The following SLC3A1 variants were observed in gnomAD, a reference collection of about 807,000 sequenced individuals.
SLC3A1 encodes the protein solute carrier family 3 member 1, also known as amino acid transporter heavy chain SLC3A1.
A neutral mutation model predicts 60.3 loss-of-function variants in SLC3A1; 78 were observed. The observed-to-expected ratio is 1.29, with a 90% CI of 1.08 to 1.56. The LOEUF is 1.56. Ranked by LOEUF, SLC3A1 falls within the 40% of genes most tolerant of loss-of-function variation. The pLI is 0.00. For missense variants in SLC3A1, 1,172 were observed against 858.9 expected (o/e 1.36, Z -4.56); for synonymous variants, 392 against 307.9 (o/e 1.27, Z -2.86).
intron 4 of SLC3A1, among the ~76,000 whole-genome samples, chr2:44,293,858 A>G (rs1671790140): frequency 6.6e-6 from 1 of 152,228 alleles, no homozygotes; most frequent in African/African-American, 2.4e-5. Context: ...TTCCTGAGCC[A>G]CAGTTTCCTC....
chr2:44,311,200 C>T lies in SLC3A1; in HGVS notation c.1333-1386C>T, dbSNP rs186280447. 2.3e-4 allele frequency among the ~76,000 whole-genome samples: 35 copies of T among 152,234 alleles called. 1 individual carries two copies. The East Asian group carries it at 5.8e-3, about 25-fold the overall frequency. On this transcript the variant is annotated intron_variant, in intron 7 of 9. Coordinates refer to ENST00000260649, the MANE Select transcript of SLC3A1 (RefSeq NM_000341.4). ...AAATTTGTCAAGTCCCTCTAGTAAA[C>T]GTCTCACTTTAGCTATTGTACTTTT...
intron 4 of SLC3A1, among the ~76,000 whole-genome samples, chr2:44,296,719 C>G (rs1671858810): frequency 6.6e-6 from 1 of 152,186 alleles, no homozygotes; most frequent in South Asian, 2.1e-4. Flanking sequence ...CACTTCAAGT[C>G]AAACAAGTTG....
At chr2:44,286,509 ACGG>A in intron 4 of SLC3A1, among the ~76,000 whole-genome samples, 1 of 108,952 alleles carries the variant, frequency 9.2e-6, no homozygotes, top group South Asian at 2.8e-4. Flanking sequence ...GGTGCCTGTG[ACGG>A]TGAGCTGTGC....
chr2:44,297,756 C>T (rs553433169), intron 4 of SLC3A1, among the ~76,000 whole-genome samples: 3 of 152,308 alleles, frequency 2.0e-5, no homozygotes, highest in Non-Finnish European at 2.9e-5. Context: ...TGTACCACCA[C>T]ACGCAGCTAA....
At chr2:44,278,469 TAAATA>T (rs572472992) in intron 1 of SLC3A1, among the ~76,000 whole-genome samples, 6 of 150,796 alleles carry the variant, frequency 4.0e-5, no homozygotes, top group South Asian at 4.2e-4. Flanking sequence ...AATAAATAAA[TAAATA>T]AAATAAAATA....
intron 4 of SLC3A1, among the ~76,000 whole-genome samples, chr2:44,294,229 G>A (rs1325285841): frequency 2.0e-5 from 3 of 152,132 alleles, no homozygotes; most frequent in African/African-American, 7.2e-5. Context: ...AGGGGTCTGG[G>A]CGTGGTGGCT....
chr2:44,276,124 T>C (rs1671337288), intron 1 of SLC3A1, among the ~76,000 whole-genome samples, 159 bp downstream of exon 1: 1 of 152,178 alleles, frequency 6.6e-6, no homozygotes, highest in East Asian at 1.9e-4. Flanking sequence ...TCTTAGAAAA[T>C]CACTCAGCAG....
chr2:44,322,362 G>A (rs1673058408), downstream of SLC3A1, among the ~76,000 whole-genome samples: 1 of 152,124 alleles, frequency 6.6e-6, no homozygotes, highest in Admixed American at 6.6e-5. Flanking sequence ...GGCACTGATG[G>A]CCCAAAACAA....
intron 7 of SLC3A1, among the ~76,000 whole-genome samples, chr2:44,309,706 C>G (rs1477636180): frequency 1.3e-5 from 2 of 152,212 alleles, no homozygotes; most frequent in Admixed American, 6.5e-5. Flanking sequence ...TCAAGCAATT[C>G]TTATGCCTTA....
intron 3 of SLC3A1, 55 bp downstream of exon 3, chr2:44,281,596 T>C: frequency 6.5e-7 from 1 of 1,533,764 alleles, no homozygotes; most frequent in Non-Finnish European, 9.0e-7. Flanking sequence ...ATGTAGTGAT[T>C]GAACTGATTT....
chr2:44,300,932 AT>A, intron 5 of SLC3A1, 70 bp from the exon 6 acceptor site: 1 of 1,599,096 alleles, frequency 6.3e-7, no homozygotes, highest in Non-Finnish European at 8.6e-7. Flanking sequence ...GGTTGTCTAC[AT>A]TCATATAGAG....
At position 44,275,778 on chromosome 2, in the gene SLC3A1, C is replaced by A; in HGVS notation, c.243C>A (p.Arg81=). 6.2e-7 allele frequency: 1 copy of A among 1,614,262 alleles called. No individual in the cohort carries two copies. Among genetic ancestry groups the A allele is most frequent in the Non-Finnish European group, 8.5e-7 (1 of 1,180,050 alleles). The change falls in exon 1 of 10, where the codon CGC becomes CGA. Residue 81 remains arginine, a synonymous_variant. Transcript: ENST00000260649. ...EVLFQFSGQA[R]YRIPREILFW... Reference sequence around the variant, plus strand: ...TGTTCCAGTTCTCTGGCCAGGCCCGCTACCGCATACCTCGGGAGATCCTCT... The same window carrying A: ...TGTTCCAGTTCTCTGGCCAGGCCCGATACCGCATACCTCGGGAGATCCTCT...
At chr2:44,300,769 A>G (rs956879928) in intron 5 of SLC3A1, among the ~76,000 whole-genome samples, 5 of 152,160 alleles carry the variant, frequency 3.3e-5, no homozygotes, top group African/African-American at 1.2e-4. Flanking sequence ...TTGCTTGGTA[A>G]AATTTATTTG....
chr2:44,278,497 A>G (rs1671403091), intron 1 of SLC3A1, among the ~76,000 whole-genome samples: 1 of 151,582 alleles, frequency 6.6e-6, no homozygotes, highest in South Asian at 2.1e-4. Context: ...ATAAATAAGC[A>G]GTGTGTTATA....
At chr2:44,307,962 G>A (rs1672199529) in intron 7 of SLC3A1, among the ~76,000 whole-genome samples, 1 of 152,096 alleles carries the variant, frequency 6.6e-6, no homozygotes, top group African/African-American at 2.4e-5. Flanking sequence ...GGATTATCAT[G>A]GAATCTTTGT....
intron 7 of SLC3A1, 108 bp from the exon 8 acceptor site, chr2:44,312,478 G>C: frequency 8.4e-7 from 1 of 1,185,608 alleles, no homozygotes; most frequent in Non-Finnish European, 1.3e-6. Flanking sequence ...TAGTACCAAG[G>C]TACCACATCT....
rs375510111 is a variant in SLC3A1, at chr2:44,288,627, T to G, written c.891+2470T>G. Among the ~76,000 whole-genome samples the G allele has an allele frequency of 2.0e-5, 3 of 152,210 alleles. No homozygotes were observed. The South Asian group carries it at 6.2e-4, about 31-fold the overall frequency. On this transcript the variant is annotated intron_variant, in intron 4 of 9. Coordinates refer to ENST00000260649, the MANE Select transcript of SLC3A1 (RefSeq NM_000341.4). ...CATTTCCATTAACAATGGGTAAGCG[T>G]TCTAATTTCTCCACATTCTCACCAA...
chr2:44,304,124 A>C lies in SLC3A1; in HGVS notation c.1137-19A>C, dbSNP rs1672089797. The C allele has an allele frequency of 2.5e-6, 4 of 1,608,694 alleles. No individual in the cohort carries two copies. In the South Asian group the frequency reaches 3.3e-5, roughly 13 times the overall value. ...TTCTGACAGGCCCCGATGACACTGA[A>C]CCTTGTCAACTCTTATAGGTTCATG... On this transcript the variant is annotated intron_variant, in intron 6 of 9. Coordinates refer to ENST00000260649, the MANE Select transcript of SLC3A1 (RefSeq NM_000341.4).
rs780765619 is a variant in SLC3A1, at chr2:44,300,986, C to T, written c.1012-17C>T. ...ATGTATGAAATGAGGGTAACCATGT[C>T]GTCCTGGTTTTCAAAGGACACGGTC... is the stretch of plus-strand genomic sequence containing the variant. On this transcript the variant is annotated splice_polypyrimidine_tract_variant and intron_variant, in intron 5 of 9. Coordinates refer to ENST00000260649, the MANE Select transcript of SLC3A1 (RefSeq NM_000341.4). 8.1e-6 allele frequency: 13 copies of T among 1,613,444 alleles called. No homozygotes were observed. Among genetic ancestry groups the T allele is most frequent in the Admixed American group, 6.7e-5 (4 of 60,004 alleles).
Sources: gnomAD v4.1 joint callset for allele counts (sites outside exome capture counted in the v4.1 genomes callset) on GRCh38, gnomAD v4.1.1 for gene constraint, MANE v1.5 for transcripts, NCBI Gene and HGNC (gene_info 2026-07-23, HGNC 2026-07-21) for gene names.